TP63: variants seen among roughly 807,000 people sequenced by gnomAD.
TP63 encodes tumor protein 63.
In TP63, 17 loss-of-function variants were observed where a neutral mutation model predicts 82.8. The observed-to-expected ratio is 0.21, with a 90% confidence interval of 0.14 to 0.31. The LOEUF (loss-of-function observed/expected upper bound fraction) is 0.31. Ranked by LOEUF, TP63 falls within the 10% of genes least tolerant of loss-of-function variation. TP63 has a pLI of 1.00. For missense variants in TP63, 648 were observed against 895.3 expected, an observed-to-expected ratio of 0.72 and a Z score of 3.52; for synonymous variants, 330 against 321.7, an observed-to-expected ratio of 1.03 and a Z score of -0.28.
chr3:189,632,923 GA>G (rs778826882), intron 1 of TP63, among the ~76,000 whole-genome samples: 21 of 152,016 alleles, frequency 1.4e-4, no homozygotes, highest in Non-Finnish European at 2.6e-4. Context: ...ATAGTTCTAA[GA>G]AGATAATTGT....
At chr3:189,802,305 G>A (rs763629204) in intron 3 of TP63, among the ~76,000 whole-genome samples, 94 of 152,134 alleles carry the variant, frequency 6.2e-4, no homozygotes, top group Admixed American at 1.6e-3. Flanking sequence ...AAGCACCTCC[G>A]TGAAGCCTCA....
intron 1 of TP63, among the ~76,000 whole-genome samples, chr3:189,711,502 G>GA (rs1349038753): frequency 2.0e-5 from 3 of 152,068 alleles, no homozygotes; most frequent in Non-Finnish European, 4.4e-5. Flanking sequence ...GGAACGTGGG[G>GA]AAAAAAATAG....
the TP63 span, among the ~76,000 whole-genome samples, chr3:189,619,420 A>G: frequency 3.3e-5 from 5 of 152,182 alleles, no homozygotes; most frequent in Non-Finnish European, 2.9e-5. Flanking sequence ...CTATATTTCC[A>G]GGTCTCAGGT....
intron 2 of TP63, 93 bp from the exon 3 acceptor site, chr3:189,738,549 T>C: frequency 6.3e-7 from 1 of 1,592,922 alleles, no homozygotes; most frequent in Middle Eastern, 1.7e-4. Context: ...CCTTGCTGAC[T>C]TTGAAGCAGA....
chr3:189,644,622 A>G (rs1280782584), intron 1 of TP63, among the ~76,000 whole-genome samples: 1 of 152,092 alleles, frequency 6.6e-6, no homozygotes, highest in African/African-American at 2.4e-5. Context: ...TGGTGCACCC[A>G]TCACCTAAGC....
the TP63 span, among the ~76,000 whole-genome samples, chr3:189,614,135 G>A: frequency 3.3e-5 from 5 of 152,146 alleles, no homozygotes; most frequent in African/African-American, 1.2e-4. Flanking sequence ...TGGTTTGGCT[G>A]TGTCCCCATT....
chr3:189,792,792 C>G (rs964008496), intron 3 of TP63, among the ~76,000 whole-genome samples: 20 of 151,930 alleles, frequency 1.3e-4, no homozygotes, highest in African/African-American at 4.8e-4. Flanking sequence ...TTGTACAAAG[C>G]CAGTTGAATG....
intron 1 of TP63, among the ~76,000 whole-genome samples, chr3:189,713,131 C>T (rs1718714551): frequency 1.3e-5 from 2 of 152,154 alleles, no homozygotes; most frequent in Non-Finnish European, 2.9e-5. Flanking sequence ...GATGCAAAAA[C>T]CTCAAAATAG....
intron 4 of TP63, among the ~76,000 whole-genome samples, chr3:189,824,797 T>G (rs575881024): frequency 7.3e-5 from 11 of 150,884 alleles, no homozygotes; most frequent in Non-Finnish European, 1.6e-4. Context: ...TCCAGTTTTA[T>G]GAGTCAGTGC....
chr3:189,832,064 T>C (rs1026198079), intron 4 of TP63, among the ~76,000 whole-genome samples: 2 of 152,016 alleles, frequency 1.3e-5, no homozygotes, highest in Non-Finnish European at 2.9e-5. Flanking sequence ...ACGCCTGACC[T>C]CATCATCCAC....
At chr3:189,642,701 A>G (rs1205258657) in intron 1 of TP63, among the ~76,000 whole-genome samples, 1 of 152,186 alleles carries the variant, frequency 6.6e-6, no homozygotes, top group Non-Finnish European at 1.5e-5. Context: ...TTTATATTTT[A>G]TATGAAGAAA....
chr3:189,771,305 TATATA>T (rs1356684366), intron 3 of TP63, among the ~76,000 whole-genome samples: 2 of 138,646 alleles, frequency 1.4e-5, no homozygotes, highest in South Asian at 2.1e-4. Context: ...TATATTTATA[TATATA>T]ATATATTATA....
intron 4 of TP63, among the ~76,000 whole-genome samples, chr3:189,809,083 T>C (rs1727252612): frequency 6.8e-6 from 1 of 146,484 alleles, no homozygotes; most frequent in African/African-American, 2.4e-5. Flanking sequence ...AAATTACTAT[T>C]TATAATTTAT....
At chr3:189,636,009 A>T (rs1026297471) in intron 1 of TP63, among the ~76,000 whole-genome samples, 1 of 152,188 alleles carries the variant, frequency 6.6e-6, no homozygotes, top group African/African-American at 2.4e-5. Context: ...ATGAGCCAAC[A>T]TGCTACAGTC....
chr3:189,596,774 T>C, the TP63 span, among the ~76,000 whole-genome samples: 1 of 152,268 alleles, frequency 6.6e-6, no homozygotes, highest in South Asian at 2.1e-4. Context: ...CCTTCCACAC[T>C]GTGGAAGCTT....
chr3:189,668,417 G>A (rs1262272218), intron 1 of TP63, among the ~76,000 whole-genome samples: 1 of 151,982 alleles, frequency 6.6e-6, no homozygotes, highest in Non-Finnish European at 1.5e-5. Context: ...ATGTTATATA[G>A]ATGAGGTATC....
At chr3:189,701,512 GATATATATAC>G (rs1553815840) in intron 1 of TP63, among the ~76,000 whole-genome samples, 1 of 103,216 alleles carries the variant, frequency 9.7e-6, no homozygotes, top group Non-Finnish European at 1.8e-5. Flanking sequence ...AATGTGAGGA[GATATATATAC>G]ATATATATAT....
chr3:189,610,124 C>G, the TP63 span, among the ~76,000 whole-genome samples: 2 of 151,800 alleles, frequency 1.3e-5, no homozygotes, highest in African/African-American at 2.4e-5. Flanking sequence ...CTCTAATGAT[C>G]AGTGATATTG....
At chr3:189,724,125 A>G (rs1194137082) in intron 1 of TP63, among the ~76,000 whole-genome samples, 1 of 149,252 alleles carries the variant, frequency 6.7e-6, no homozygotes. Flanking sequence ...CTATATTTTT[A>G]TACTAACCCT....
Sources: allele counts gnomAD v4.1 joint callset (sites outside exome capture counted in the v4.1 genomes callset), GRCh38; gene constraint gnomAD v4.1.1; transcripts MANE v1.5; gene names NCBI Gene and HGNC (gene_info 2026-07-23, HGNC 2026-07-21).